The following ZFPM2 variants were observed in gnomAD, a reference collection of about 807,000 sequenced individuals.
The protein encoded by ZFPM2 is zinc finger protein, FOG family member 2.
Under a neutral mutation model 98.6 loss-of-function variants are expected in ZFPM2, and 20 were observed. That is an observed-to-expected ratio of 0.20 (90% CI 0.14 to 0.29). ZFPM2 has a LOEUF of 0.29. Among genes scored for constraint, ZFPM2 ranks in the 10% least tolerant of loss-of-function variants. The pLI, the probability that ZFPM2 is intolerant of heterozygous loss-of-function variation, is 1.00. For missense variants in ZFPM2, 1,310 were observed against 1,388.6 expected (o/e 0.94, Z 0.90); for synonymous variants, 518 against 502.7 (o/e 1.03, Z -0.41).
Position 105,802,787 on chromosome 8 carries a change from G to T in ZFPM2, c.2705G>T (p.Arg902Leu). ...GTGTTTCCGAATCCAGAAAGCGAAC[G>T]AAACAGCCCTGATGTCAGCTACGAA... The part of the protein sequence containing the change: ...GKVFPNPESE[R>L]NSPDVSYERS... Residue 902 changes from arginine (R) to leucine (L), a missense_variant, in exon 8 of 8, where the codon CGA becomes CTA. Transcript: ENST00000407775. The T allele has an allele frequency of 1.9e-6, 3 of 1,613,606 alleles. No individual in the cohort carries two copies. The highest frequency in any genetic ancestry group is 2.5e-6 in the Non-Finnish European group (3 of 1,179,786).
chr8:105,366,217 A>T (rs1810505362), intron 1 of ZFPM2, among the ~76,000 whole-genome samples: 1 of 152,154 alleles, frequency 6.6e-6, no homozygotes, highest in Admixed American at 6.6e-5. Context: ...ACGGTATTTT[A>T]CGTAATTCAA....
intron 4 of ZFPM2, among the ~76,000 whole-genome samples, chr8:105,620,298 T>C (rs952797173): frequency 2.0e-5 from 3 of 152,238 alleles, no homozygotes; most frequent in Admixed American, 6.5e-5. Context: ...ATGAGCATTT[T>C]TTCATGTGTC....
chr8:105,446,312 T>G (rs1812369001), intron 3 of ZFPM2, among the ~76,000 whole-genome samples: 1 of 152,196 alleles, frequency 6.6e-6, no homozygotes, highest in South Asian at 2.1e-4. Flanking sequence ...ATATGCCTGC[T>G]TGCGAAAAGG....
intron 5 of ZFPM2, among the ~76,000 whole-genome samples, chr8:105,637,202 C>T (rs549128088): frequency 4.0e-4 from 61 of 152,138 alleles, no homozygotes; most frequent in Non-Finnish European, 6.5e-4. Context: ...ATTCAATCTA[C>T]GTCTTGACAG....
intron 3 of ZFPM2, among the ~76,000 whole-genome samples, chr8:105,456,400 T>A (rs1307405013): frequency 6.6e-6 from 1 of 151,938 alleles, no homozygotes; most frequent in African/African-American, 2.4e-5. Flanking sequence ...TAAATAAACA[T>A]ATAAAATATT....
At chr8:105,651,227 A>C (rs1373952622) in intron 5 of ZFPM2, among the ~76,000 whole-genome samples, 1 of 151,832 alleles carries the variant, frequency 6.6e-6, no homozygotes, top group Non-Finnish European at 1.5e-5. Flanking sequence ...TTTTGTAACT[A>C]CTCAGTGCCT....
At chr8:105,603,998 C>A (rs1351662711) in intron 4 of ZFPM2, among the ~76,000 whole-genome samples, 1 of 152,014 alleles carries the variant, frequency 6.6e-6, no homozygotes, top group Non-Finnish European at 1.5e-5. Flanking sequence ...ATGGCTTTAA[C>A]TTCCATGTTA....
chr8:105,556,465 T>C (rs1814993102), intron 3 of ZFPM2, among the ~76,000 whole-genome samples: 1 of 152,200 alleles, frequency 6.6e-6, no homozygotes, highest in Admixed American at 6.6e-5. Flanking sequence ...TAGAAAGCTA[T>C]TGCAGTTCCC....
At chr8:105,689,577 T>C (rs1810827645) in intron 5 of ZFPM2, among the ~76,000 whole-genome samples, 1 of 152,190 alleles carries the variant, frequency 6.6e-6, no homozygotes, top group African/African-American at 2.4e-5. Context: ...AATCACACTC[T>C]GTCATTATTT....
At chr8:105,457,818 G>T (rs895170491) in intron 3 of ZFPM2, among the ~76,000 whole-genome samples, 1 of 152,138 alleles carries the variant, frequency 6.6e-6, no homozygotes, top group Non-Finnish European at 1.5e-5. Flanking sequence ...TGTCCTCCCT[G>T]TCACTCTCAT....
intron 3 of ZFPM2, among the ~76,000 whole-genome samples, chr8:105,521,986 T>TA (rs1319604275): frequency 6.6e-6 from 1 of 152,272 alleles, no homozygotes; most frequent in Non-Finnish European, 1.5e-5. Flanking sequence ...TATAATAGTG[T>TA]AAAAAAAGAC....
At chr8:105,665,606 A>G (rs1817474641) in intron 5 of ZFPM2, among the ~76,000 whole-genome samples, 1 of 152,182 alleles carries the variant, frequency 6.6e-6, no homozygotes, top group Non-Finnish European at 1.5e-5. Context: ...ACAATACACT[A>G]AAAGAAAGAT....
chr8:105,740,886 A>G (rs1416664941), intron 5 of ZFPM2, among the ~76,000 whole-genome samples: 2 of 152,084 alleles, frequency 1.3e-5, no homozygotes, highest in African/African-American at 4.8e-5. Context: ...GAGGTTTGCA[A>G]TTTCAGATAA....
intron 6 of ZFPM2, among the ~76,000 whole-genome samples, chr8:105,790,146 A>C (rs1156254845): frequency 6.6e-6 from 1 of 151,534 alleles, no homozygotes; most frequent in Non-Finnish European, 1.5e-5. Context: ...TGTTTTAGAC[A>C]TGAAGTCCTT....
At chr8:105,603,096 T>A (rs1224802986) in intron 4 of ZFPM2, among the ~76,000 whole-genome samples, 1 of 152,102 alleles carries the variant, frequency 6.6e-6, no homozygotes, top group African/African-American at 2.4e-5. Flanking sequence ...GCATTGTCTC[T>A]CCATATGGCA....
chr8:105,416,160 T>C (rs1033789224), intron 1 of ZFPM2, among the ~76,000 whole-genome samples: 1 of 151,694 alleles, frequency 6.6e-6, no homozygotes, highest in Non-Finnish European at 1.5e-5. Context: ...CATATGTATC[T>C]GTATATATAT....
chr8:105,322,285 T>C (rs1458930835), intron 1 of ZFPM2, among the ~76,000 whole-genome samples: 1 of 152,164 alleles, frequency 6.6e-6, no homozygotes, highest in Non-Finnish European at 1.5e-5. Context: ...TTTTTTCTTT[T>C]ACCAATGCAT....
chr8:105,408,356 A>G (rs1395566744), intron 1 of ZFPM2, among the ~76,000 whole-genome samples: 2 of 151,842 alleles, frequency 1.3e-5, no homozygotes, highest in Admixed American at 1.3e-4. Context: ...TACTGAATCG[A>G]GGTAGCTTTA....
intron 1 of ZFPM2, among the ~76,000 whole-genome samples, chr8:105,364,658 A>T (rs1439642208): frequency 2.4e-5 from 3 of 125,272 alleles, no homozygotes; most frequent in Non-Finnish European, 4.9e-5. Context: ...CAAGAATACC[A>T]AAAAAAAAAA....
Sources: gnomAD v4.1 joint callset for allele counts (sites outside exome capture counted in the v4.1 genomes callset) on GRCh38, gnomAD v4.1.1 for gene constraint, MANE v1.5 for transcripts, NCBI Gene and HGNC (gene_info 2026-07-23, HGNC 2026-07-21) for gene names.